RAB27B: variants seen among roughly 807,000 people sequenced by gnomAD.
RAB27B encodes the protein ras-related protein Rab-27B.
RAB27B carries 15 observed loss-of-function variants against 24.6 expected under a neutral mutation model. The ratio of observed to expected loss-of-function variants is 0.61; its 90% CI spans 0.41 to 0.94. The LOEUF (loss-of-function observed/expected upper bound fraction) is 0.94, where lower values mean the gene tolerates loss of function less well. Among genes scored for constraint, RAB27B ranks in the 40% least tolerant of loss-of-function variants. The pLI, the probability that RAB27B is intolerant of heterozygous loss-of-function variation, is 0.00. For missense variants in RAB27B, 261 were observed against 266.8 expected (o/e 0.98, Z 0.15); for synonymous variants, 105 against 92.5 (o/e 1.14, Z -0.78).
intron 4 of RAB27B, among the ~76,000 whole-genome samples, chr18:54,885,069 T>G (rs1038982516): frequency 6.6e-6 from 1 of 152,210 alleles, no homozygotes; most frequent in African/African-American, 2.4e-5. Context: ...CCTAATCAAT[T>G]ACTAAAGTCA....
chr18:54,789,818 A>G (rs1909194374), intron 2 of RAB27B, among the ~76,000 whole-genome samples: 1 of 152,108 alleles, frequency 6.6e-6, no homozygotes, highest in East Asian at 1.9e-4. Context: ...AATACAATAA[A>G]GCAATCTGTT....
At chr18:54,859,467 G>T (rs943994546) in intron 1 of RAB27B, among the ~76,000 whole-genome samples, 5 of 145,982 alleles carry the variant, frequency 3.4e-5, no homozygotes, top group African/African-American at 1.3e-4. Context: ...ACTTTTATCA[G>T]CCAAAAATTT....
intron 3 of RAB27B, chr18:54,879,668 C>G: frequency 2.1e-6 from 1 of 486,520 alleles, no homozygotes; most frequent in Non-Finnish European, 3.7e-6. Context: ...ATCAGACTTT[C>G]AAAAATCTCT....
chr18:54,787,058 A>G (rs921563244), intron 2 of RAB27B, among the ~76,000 whole-genome samples: 2 of 152,220 alleles, frequency 1.3e-5, no homozygotes, highest in Non-Finnish European at 2.9e-5. Flanking sequence ...GATATTCTGA[A>G]TAGTGAAGCT....
chr18:54,769,022 C>G (rs1244942223), intron 2 of RAB27B, among the ~76,000 whole-genome samples: 1 of 152,164 alleles, frequency 6.6e-6, no homozygotes, highest in African/African-American at 2.4e-5. Context: ...CAAAACCAAT[C>G]ATGCCTTCCC....
intron 4 of RAB27B, among the ~76,000 whole-genome samples, chr18:54,887,347 G>A (rs1429682984): frequency 2.0e-5 from 3 of 151,816 alleles, no homozygotes; most frequent in Non-Finnish European, 2.9e-5. Flanking sequence ...ATCTCAGGGA[G>A]CATTTCCCCA....
intron 2 of RAB27B, among the ~76,000 whole-genome samples, chr18:54,746,600 C>G (rs78355244): frequency 0.033 from 5,033 of 152,198 alleles, 279 homozygotes; most frequent in African/African-American, 0.11. Flanking sequence ...TTCAAGCTTA[C>G]TATTAAGATA....
At chr18:54,751,270 G>T (rs185585532) in intron 2 of RAB27B, among the ~76,000 whole-genome samples, 21 of 152,248 alleles carry the variant, frequency 1.4e-4, no homozygotes, top group Non-Finnish European at 2.5e-4. Flanking sequence ...AGCACTTAGT[G>T]GTTGGCTGAC....
At chr18:54,850,579 C>G (rs1424555464) in intron 1 of RAB27B, among the ~76,000 whole-genome samples, 4 of 150,620 alleles carry the variant, frequency 2.7e-5, no homozygotes, top group Admixed American at 6.6e-5. Flanking sequence ...GTTGGTCAGG[C>G]TGGTCTCAAA....
At chr18:54,763,708 TTA>T (rs1908269750) in intron 2 of RAB27B, among the ~76,000 whole-genome samples, 1 of 152,172 alleles carries the variant, frequency 6.6e-6, no homozygotes, top group Admixed American at 6.6e-5. Context: ...TTGAAAAACT[TTA>T]TGACTCAGGT....
chr18:54,858,612 T>C lies in RAB27B; in HGVS notation c.-19-18955T>C, dbSNP rs181172018. Among the ~76,000 whole-genome samples the C allele has an allele frequency of 3.9e-3, 599 of 152,246 alleles. 3 individuals are homozygous for C. The highest frequency in any genetic ancestry group is 0.014 in the African/African-American group (571 of 41,560). On this transcript the variant is annotated intron_variant, in intron 1 of 5. Coordinates refer to ENST00000262094, the MANE Select transcript of RAB27B (RefSeq NM_004163.4). ...TTTCACCGTGTTAGCCAGGATGGTCTCGATCTCCTGACCTCGTGATCCCTC... is the reference window on the plus strand; with the variant it reads ...TTTCACCGTGTTAGCCAGGATGGTCCCGATCTCCTGACCTCGTGATCCCTC...
intron 2 of RAB27B, among the ~76,000 whole-genome samples, chr18:54,728,052 C>T (rs1025134406): frequency 2.0e-5 from 3 of 151,798 alleles, no homozygotes; most frequent in Non-Finnish European, 4.4e-5. Flanking sequence ...ACACGAAAGC[C>T]AGAAATAGAG....
intron 2 of RAB27B, among the ~76,000 whole-genome samples, chr18:54,784,925 G>A (rs1909033070): frequency 6.6e-6 from 1 of 152,128 alleles, no homozygotes; most frequent in African/African-American, 2.4e-5. Context: ...TTCCTCTGAT[G>A]GATGCTCCTC....
At chr18:54,723,167 G>C (rs563091657) in intron 2 of RAB27B, among the ~76,000 whole-genome samples, 19 of 152,306 alleles carry the variant, frequency 1.2e-4, no homozygotes, top group East Asian at 7.7e-4. Context: ...AAGAGCAAAG[G>C]CTCTTGCTGG....
At chr18:54,721,168 G>A (rs1055868261) in intron 2 of RAB27B, among the ~76,000 whole-genome samples, 3 of 152,144 alleles carry the variant, frequency 2.0e-5, no homozygotes, top group Admixed American at 6.5e-5. Flanking sequence ...TATGCAGAAA[G>A]CTTTTAAATA....
intron 1 of RAB27B, among the ~76,000 whole-genome samples, chr18:54,830,681 A>T (rs985662730): frequency 2.6e-5 from 4 of 152,174 alleles, no homozygotes; most frequent in African/African-American, 7.2e-5. Flanking sequence ...AAGCAGCAAC[A>T]TCACTATGCA....
In RAB27B at chr18:54,874,553, C is replaced by T. The variant is rs574644585; in HGVS notation, c.-19-3014C>T. On this transcript the variant is annotated intron_variant, in intron 1 of 5. Transcript: ENST00000262094. ...TGAGACTGTCACGCATTCATACACA[C>T]ACATTTGCTAAAAAAAAAAAAAAAA... Among the ~76,000 whole-genome samples, 19 of 116,046 alleles carry T rather than the reference C, an allele frequency of 1.6e-4. No individual in the cohort carries two copies. In the East Asian group the frequency reaches 4.4e-3, roughly 27 times the overall value. The allele number at this position is 116,046 out of a possible 152,430, so 76.1% of individuals were successfully genotyped here.
intron 2 of RAB27B, among the ~76,000 whole-genome samples, chr18:54,734,657 A>G (rs1434446110): frequency 6.6e-6 from 1 of 152,194 alleles, no homozygotes; most frequent in African/African-American, 2.4e-5. Context: ...ATTTATATGA[A>G]TATTTTAGTT....
chr18:54,785,352 T>C (rs1909049633), intron 2 of RAB27B, among the ~76,000 whole-genome samples: 1 of 151,544 alleles, frequency 6.6e-6, no homozygotes, highest in Admixed American at 6.6e-5. Flanking sequence ...TCTGCCTGTC[T>C]CGGCCTCCCA....
Sources: gnomAD v4.1 joint callset for allele counts (sites outside exome capture counted in the v4.1 genomes callset) on GRCh38, gnomAD v4.1.1 for gene constraint, MANE v1.5 for transcripts, NCBI Gene and HGNC (gene_info 2026-07-23, HGNC 2026-07-21) for gene names.